DLC1: variants seen among roughly 807,000 people sequenced by gnomAD.
The protein encoded by DLC1 is DLC1 Rho GTPase activating protein, also known as rho GTPase-activating protein 7.
Under a neutral mutation model 140.3 loss-of-function variants are expected in DLC1, and 54 were observed. The ratio of observed to expected loss-of-function variants is 0.38; its 90% CI spans 0.31 to 0.48. DLC1 has a LOEUF of 0.48. Among genes scored for constraint, DLC1 ranks in the 20% least tolerant of loss-of-function variants. The pLI, the probability that DLC1 is intolerant of heterozygous loss-of-function variation, is 0.96. For synonymous variants in DLC1, 986 were observed against 728.1 expected (o/e 1.35, Z -5.70); for missense variants, 2,536 against 1,907.0 (o/e 1.33, Z -6.14).
intron 1 of DLC1, among the ~76,000 whole-genome samples, chr8:13,573,402 A>G (rs1252332272): frequency 6.6e-6 from 1 of 152,192 alleles, no homozygotes; most frequent in Admixed American, 6.5e-5. Flanking sequence ...GAGTGTATCT[A>G]CAACAGAGAT....
chr8:13,491,171 C>A (rs192872048), intron 2 of DLC1, among the ~76,000 whole-genome samples: 2 of 150,742 alleles, frequency 1.3e-5, no homozygotes, highest in East Asian at 3.9e-4. Context: ...GGCAGCAAAT[C>A]TCCCAACTTT....
At chr8:13,360,988 G>T (rs934821947) in intron 4 of DLC1, among the ~76,000 whole-genome samples, 1 of 151,912 alleles carries the variant, frequency 6.6e-6, no homozygotes, top group Non-Finnish European at 1.5e-5. Flanking sequence ...CTCAATACTT[G>T]GGGAGGTTGA....
chr8:13,548,257 C>G (rs1585262856), intron 1 of DLC1, among the ~76,000 whole-genome samples: 1 of 152,038 alleles, frequency 6.6e-6, no homozygotes, highest in Non-Finnish European at 1.5e-5. Flanking sequence ...ACTAGGTTAG[C>G]TGAATGTTAC....
chr8:13,293,395 A>G (rs2049096447), intron 5 of DLC1, among the ~76,000 whole-genome samples: 1 of 152,226 alleles, frequency 6.6e-6, no homozygotes, highest in Non-Finnish European at 1.5e-5. Flanking sequence ...GTGAGGCTGA[A>G]AGAGACGGGG....
At chr8:13,149,551 C>T (rs767371138) in intron 5 of DLC1, among the ~76,000 whole-genome samples, 1 of 152,182 alleles carries the variant, frequency 6.6e-6, no homozygotes, top group Non-Finnish European at 1.5e-5. Flanking sequence ...TCTATAAAAT[C>T]TGATTAGGGT....
chr8:13,154,668 G>A lies in DLC1; in HGVS notation c.1349-39011C>T, dbSNP rs546940549. Among the ~76,000 whole-genome samples the A allele has an allele frequency of 2.6e-5, 4 of 152,328 alleles. No homozygotes were observed. The East Asian group carries it at 7.7e-4, about 29-fold the overall frequency. On this transcript the variant is annotated intron_variant, in intron 5 of 17. Transcript: ENST00000276297. ...CCCACAGTGCAGCAGCGGGCTGAAGGGCTGGTCAAGCGGGGCCAGAGTGGA... is the reference window on the plus strand; with the variant it reads ...CCCACAGTGCAGCAGCGGGCTGAAGAGCTGGTCAAGCGGGGCCAGAGTGGA...
At chr8:13,311,831 T>A (rs1832673600) in intron 4 of DLC1, among the ~76,000 whole-genome samples, 3 of 152,192 alleles carry the variant, frequency 2.0e-5, no homozygotes, top group Non-Finnish European at 4.4e-5. Context: ...TAAGTAAGAA[T>A]GAAAGTTGGG....
chr8:13,119,914 T>TAA (rs34050837), intron 5 of DLC1, among the ~76,000 whole-genome samples: 1 of 134,302 alleles, frequency 7.4e-6, no homozygotes, highest in Non-Finnish European at 1.6e-5. Context: ...AGACTCTATC[T>TAA]AAAAAAAAAA....
At chr8:13,228,538 C>G (rs1453065772) in intron 5 of DLC1, among the ~76,000 whole-genome samples, 1 of 151,908 alleles carries the variant, frequency 6.6e-6, no homozygotes, top group Non-Finnish European at 1.5e-5. Flanking sequence ...GAGTTTGAGA[C>G]CAGCTTAAGC....
chr8:13,297,287 A>AAAAAAAAAAAAAAAACAAAAAAAAAC (rs1160453360), intron 5 of DLC1, among the ~76,000 whole-genome samples: 2 of 139,898 alleles, frequency 1.4e-5, no homozygotes, highest in African/African-American at 5.4e-5. Context: ...TACATTAAAA[A>AAAAAAAAAAAAAAAACAAAAAAAAAC]AAAAAAAAAC....
chr8:13,273,086 G>C (rs919713631), intron 5 of DLC1, among the ~76,000 whole-genome samples: 6 of 152,098 alleles, frequency 3.9e-5, no homozygotes, highest in African/African-American at 1.4e-4. Flanking sequence ...AGATTATTCT[G>C]AGAAGTGATC....
At chr8:13,549,063 T>C (rs567410606) in intron 1 of DLC1, among the ~76,000 whole-genome samples, 4 of 152,130 alleles carry the variant, frequency 2.6e-5, no homozygotes, top group East Asian at 1.9e-4. Flanking sequence ...TGACCAACTA[T>C]ATTAAAAGTC....
intron 5 of DLC1, among the ~76,000 whole-genome samples, chr8:13,132,529 C>G (rs1481269657): frequency 1.3e-5 from 2 of 152,134 alleles, no homozygotes; most frequent in Non-Finnish European, 2.9e-5. Flanking sequence ...TGGTGAATGA[C>G]AGGAGATCAG....
At position 13,499,155 on chromosome 8, in the gene DLC1, CTTTTG is replaced by C; in HGVS notation, c.912_916del (p.Asn304LysfsTer28). The stretch of plus-strand genomic sequence containing the variant: ...ATCTTCTGCCTTGACCTTTGGTGGA[CTTTTG>C]TTTTGATGTTGTGAAAAACCACTCT... On this transcript the variant is annotated frameshift_variant, in exon 2 of 18. Coordinates refer to ENST00000276297, the MANE Select transcript of DLC1 (RefSeq NM_182643.3). LOFTEE classifies it high-confidence loss of function. 1 of 1,614,136 alleles carries C rather than the reference CTTTTG, an allele frequency of 6.2e-7. No individual in the cohort carries two copies. The highest frequency in any genetic ancestry group is 1.1e-5 in the South Asian group (1 of 91,084).
intron 1 of DLC1, among the ~76,000 whole-genome samples, chr8:13,572,090 TA>T (rs200596174): frequency 1.5e-3 from 36 of 23,318 alleles, no homozygotes; most frequent in South Asian, 9.5e-3. Flanking sequence ...TTATTATTAT[TA>T]TTTATTTTTT....
chr8:13,438,450 C>T (rs1345080432), intron 2 of DLC1, among the ~76,000 whole-genome samples: 1 of 152,062 alleles, frequency 6.6e-6, no homozygotes, highest in Non-Finnish European at 1.5e-5. Context: ...CCAGAATGAT[C>T]GCTATAAAAC....
At chr8:13,557,799 A>C (rs980476823) in intron 1 of DLC1, 2 of 152,150 alleles carry the variant, frequency 1.3e-5, no homozygotes, top group Admixed American at 6.6e-5. Flanking sequence ...TCTGAAAACA[A>C]GCTAAAATAA....
At chr8:13,484,855 G>A (rs890050834) in intron 2 of DLC1, among the ~76,000 whole-genome samples, 8 of 151,660 alleles carry the variant, frequency 5.3e-5, no homozygotes. Context: ...ACAGGGATGT[G>A]CGCTATGACC....
intron 2 of DLC1, among the ~76,000 whole-genome samples, chr8:13,431,355 T>G (rs930586672): frequency 4.6e-5 from 7 of 150,994 alleles, no homozygotes; most frequent in African/African-American, 7.3e-5. Flanking sequence ...AGGTGACGGG[T>G]GCCTGTAGTC....
Sources: allele counts gnomAD v4.1 joint callset (sites outside exome capture counted in the v4.1 genomes callset), GRCh38; gene constraint gnomAD v4.1.1; transcripts MANE v1.5; gene names NCBI Gene and HGNC (gene_info 2026-07-23, HGNC 2026-07-21).